Variants in GALNT18 observed in about 807,000 individuals in gnomAD.
GALNT18 encodes the protein GalNAc-transferase 18.
In GALNT18, 44 loss-of-function variants were observed where a neutral mutation model predicts 69.5. That is an observed-to-expected ratio of 0.63 (90% CI 0.50 to 0.81). The LOEUF is 0.81. Ranked by LOEUF, GALNT18 falls within the 40% of genes least tolerant of loss-of-function variation. The pLI is 0.00. For missense variants in GALNT18, 715 were observed against 810.0 expected, an observed-to-expected ratio of 0.88 and a Z score of 1.42; for synonymous variants, 364 against 318.2, an observed-to-expected ratio of 1.14 and a Z score of -1.53.
In GALNT18 at chr11:11,601,164, C is replaced by T. The variant is rs1027581121; in HGVS notation, c.235+20195G>A. Among the ~76,000 whole-genome samples the T allele has an allele frequency of 1.3e-5, 2 of 152,192 alleles. No homozygotes were observed. Among genetic ancestry groups the T allele is most frequent in the African/African-American group, 2.4e-5 (1 of 41,464 alleles). The stretch of plus-strand genomic sequence containing the variant: ...TCCCCTGAAAGACAATTTCTATGAT[C>T]TGCTTTGATGTCTCTTAAATTTCTG... On this transcript the variant is annotated intron_variant, in intron 1 of 10. Transcript: ENST00000227756. The surrounding 1 kb of genome is among the most constrained non-coding windows in gnomAD (Gnocchi z 4.0).
At position 11,337,030 on chromosome 11, in the gene GALNT18, GAGA is replaced by G. The variant is rs1023890027; in HGVS notation, c.1278+3786_1278+3788del. ...GCAACACTTGTGGGTTTGAAAAAATGAGAAGGACTAGCTAAATGGGTGTTACAC... is the reference window on the plus strand; with the variant it reads ...GCAACACTTGTGGGTTTGAAAAAATGAGGACTAGCTAAATGGGTGTTACAC... On this transcript the variant is annotated intron_variant, in intron 7 of 10. Coordinates refer to ENST00000227756, the MANE Select transcript of GALNT18 (RefSeq NM_198516.3). This position sits in a 1 kb window ranked among gnomAD's most constrained non-coding sequence, Gnocchi z 4.9. Among the ~76,000 whole-genome samples the G allele has an allele frequency of 2.0e-5, 3 of 152,170 alleles. No homozygotes were observed. Among genetic ancestry groups the G allele is most frequent in the African/African-American group, 7.2e-5 (3 of 41,424 alleles).
At chr11:11,364,799 T>G (rs1850724789) in intron 6 of GALNT18, among the ~76,000 whole-genome samples, 1 of 152,206 alleles carries the variant, frequency 6.6e-6, no homozygotes, top group Non-Finnish European at 1.5e-5. Context: ...GGATACATAC[T>G]GAAATATTTT....
rs571863718 is a variant in GALNT18, at chr11:11,314,695, C to T, written c.1512+12391G>A. Among the ~76,000 whole-genome samples the T allele has an allele frequency of 2.6e-3, 397 of 152,334 alleles. No individual in the cohort carries two copies. The highest frequency in any genetic ancestry group is 9.0e-3 in the African/African-American group (373 of 41,582). On this transcript the variant is annotated intron_variant, in intron 9 of 10. Coordinates refer to ENST00000227756, the MANE Select transcript of GALNT18 (RefSeq NM_198516.3). This position sits in a 1 kb window ranked among gnomAD's most constrained non-coding sequence, Gnocchi z 5.2. ...TGGGTGGCCTGAGAATCAGGGATAA[C>T]TGCAGGCAGGTTCCAGGGGGCAGCT... is the stretch of plus-strand genomic sequence containing the variant.
intron 1 of GALNT18, among the ~76,000 whole-genome samples, chr11:11,609,688 A>G (rs1010823239): frequency 1.3e-5 from 2 of 152,180 alleles, no homozygotes; most frequent in Non-Finnish European, 2.9e-5. Context: ...CCAACTCCTT[A>G]TGGTGGTTTT....
intron 1 of GALNT18, among the ~76,000 whole-genome samples, chr11:11,554,443 G>C (rs1250399370): frequency 6.6e-6 from 1 of 151,170 alleles, no homozygotes; most frequent in African/African-American, 2.4e-5. Context: ...TTTCATGAAA[G>C]ACATTACCTG....
rs1481873677 is a variant in GALNT18, at chr11:11,563,931, A to C, written c.235+57428T>G. ...AAAGCAAGAAACTGTTGATAGAGGA[A>C]AAAATGCAGAGAGAAGGATATAAAG... On this transcript the variant is annotated intron_variant, in intron 1 of 10. Transcript: ENST00000227756. The surrounding 1 kb of genome is among the most constrained non-coding windows in gnomAD (Gnocchi z 4.6). Among the ~76,000 whole-genome samples the C allele has an allele frequency of 6.6e-6, 1 of 152,202 alleles. No individual in the cohort carries two copies. Among genetic ancestry groups the C allele is most frequent in the Non-Finnish European group, 1.5e-5 (1 of 68,024 alleles).
rs7943189 is a variant in GALNT18, at chr11:11,605,180, A to C, written c.235+16179T>G. Among the ~76,000 whole-genome samples, 961 of 152,168 alleles carry C rather than the reference A, an allele frequency of 6.3e-3. 10 individuals carry two copies. The highest frequency in any genetic ancestry group is 0.022 in the African/African-American group (900 of 41,478). On this transcript the variant is annotated intron_variant, in intron 1 of 10. Coordinates refer to ENST00000227756, the MANE Select transcript of GALNT18 (RefSeq NM_198516.3). This position sits in a 1 kb window ranked among gnomAD's most constrained non-coding sequence, Gnocchi z 4.7. ...TACTGTGTCCGTTTCCTGTCTGGGG[A>C]AAGTGGAGAAGGGTCTGTGGTGCCA...
intron 3 of GALNT18, among the ~76,000 whole-genome samples, chr11:11,412,858 G>A (rs374144228): frequency 1.3e-5 from 2 of 152,134 alleles, no homozygotes; most frequent in Admixed American, 6.5e-5. Context: ...ACAGAAGGCT[G>A]CTCTGCCCCA....
rs1008115811 is a variant in GALNT18, at chr11:11,616,372, A to T, written c.235+4987T>A. 6.6e-6 allele frequency among the ~76,000 whole-genome samples: 1 copy of T among 152,212 alleles called. No individual in the cohort carries two copies. The highest frequency in any genetic ancestry group is 2.4e-5 in the African/African-American group (1 of 41,452). On this transcript the variant is annotated intron_variant, in intron 1 of 10. Coordinates refer to ENST00000227756, the MANE Select transcript of GALNT18 (RefSeq NM_198516.3). This position sits in a 1 kb window ranked among gnomAD's most constrained non-coding sequence, Gnocchi z 4.4. ...AAGACACTGTTGGTGGCTGTAAAGA[A>T]AGCCTTTCCTTCTGAAAAAACAATC...
intron 1 of GALNT18, among the ~76,000 whole-genome samples, chr11:11,559,417 T>A (rs1402836407): frequency 1.3e-5 from 2 of 152,216 alleles, no homozygotes; most frequent in African/African-American, 4.8e-5. Flanking sequence ...GGGAGCTTTC[T>A]AATAGCAGGG....
chr11:11,532,341 A>G (rs2133943763), intron 1 of GALNT18, among the ~76,000 whole-genome samples: 1 of 152,296 alleles, frequency 6.6e-6, no homozygotes, highest in African/African-American at 2.4e-5. Flanking sequence ...ATCTCTTTTT[A>G]CAAGTAAGAA....
At chr11:11,574,600 A>G (rs1219220651) in intron 1 of GALNT18, among the ~76,000 whole-genome samples, 4 of 152,164 alleles carry the variant, frequency 2.6e-5, no homozygotes, top group Non-Finnish European at 4.4e-5. Context: ...CATGAGGTTT[A>G]TTTAGGTTTG....
intron 6 of GALNT18, among the ~76,000 whole-genome samples, chr11:11,357,217 T>C (rs1285601711): frequency 5.3e-5 from 8 of 152,030 alleles, no homozygotes; most frequent in Non-Finnish European, 2.9e-5. Flanking sequence ...GGCCCTACAG[T>C]TCCCAGGAGA....
rs189861608 is a variant in GALNT18, at chr11:11,422,624, T to G, written c.595+9997A>C. On this transcript the variant is annotated intron_variant, in intron 3 of 10. Coordinates refer to ENST00000227756, the MANE Select transcript of GALNT18 (RefSeq NM_198516.3). ...CTTTTCCTCTGTTTTTTTTGTTGTT[T>G]TTTTTTTTTTAACTTTTGCAATTAT... Among the ~76,000 whole-genome samples, 319 of 143,536 alleles carry G rather than the reference T, an allele frequency of 2.2e-3. 1 individual carries two copies. The highest frequency in any genetic ancestry group is 6.8e-3 in the Middle Eastern group (2 of 294). The allele number at this position is 143,536 out of a possible 152,430, so 94.2% of individuals were successfully genotyped here.
intron 9 of GALNT18, among the ~76,000 whole-genome samples, chr11:11,310,855 C>A (rs955481143): frequency 6.6e-6 from 1 of 152,188 alleles, no homozygotes. Context: ...CATTTATGCC[C>A]GTGATATATT....
chr11:11,396,704 A>G lies in GALNT18; in HGVS notation c.596-17440T>C, dbSNP rs1472540595. Among the ~76,000 whole-genome samples, 1 of 152,140 alleles carries G rather than the reference A, an allele frequency of 6.6e-6. No homozygotes were observed. The highest frequency in any genetic ancestry group is 1.5e-5 in the Non-Finnish European group (1 of 68,018). ...GGGTGAAAGTGTTTGGTGAGGTCAA[A>G]AGGGAAGAAGAACAGAGGTGAGAGC... is the stretch of plus-strand genomic sequence containing the variant. On this transcript the variant is annotated intron_variant, in intron 3 of 10. Coordinates refer to ENST00000227756, the MANE Select transcript of GALNT18 (RefSeq NM_198516.3). The surrounding 1 kb of genome is among the most constrained non-coding windows in gnomAD (Gnocchi z 5.2).
chr11:11,449,042 G>A (rs1855730930), intron 1 of GALNT18, 106 bp from the exon 2 acceptor site: 3 of 980,162 alleles, frequency 3.1e-6, no homozygotes, highest in African/African-American at 1.6e-5. Context: ...AACAATCTTA[G>A]CCCCTTCTTT....
chr11:11,462,333 G>C (rs1216752851), intron 1 of GALNT18, among the ~76,000 whole-genome samples: 1 of 150,632 alleles, frequency 6.6e-6, no homozygotes, highest in African/African-American at 2.4e-5. Flanking sequence ...CTGGAGTGCA[G>C]TGGCATGATC....
Position 11,592,790 on chromosome 11 carries a change from G to C in GALNT18, c.235+28569C>G, listed in dbSNP as rs1042994889. 6.6e-6 allele frequency among the ~76,000 whole-genome samples: 1 copy of C among 152,188 alleles called. No individual in the cohort carries two copies. Among genetic ancestry groups the C allele is most frequent in the Non-Finnish European group, 1.5e-5 (1 of 68,018 alleles). ...GAAAATTTTTTGACATATCTTCAAAGTATAAAGAGAAGGCAAGATATTCTG... is the reference window on the plus strand; with the variant it reads ...GAAAATTTTTTGACATATCTTCAAACTATAAAGAGAAGGCAAGATATTCTG... On this transcript the variant is annotated intron_variant, in intron 1 of 10. Coordinates refer to ENST00000227756, the MANE Select transcript of GALNT18 (RefSeq NM_198516.3). This position sits in a 1 kb window ranked among gnomAD's most constrained non-coding sequence, Gnocchi z 5.9.
Sources: gnomAD v4.1 joint callset for allele counts (sites outside exome capture counted in the v4.1 genomes callset) on GRCh38, gnomAD v4.1.1 for gene constraint, Gnocchi (gnomAD v3.1) non-coding constraint, MANE v1.5 for transcripts, NCBI Gene and HGNC (gene_info 2026-07-23, HGNC 2026-07-21) for gene names.